HELLS: variants seen among roughly 807,000 people sequenced by gnomAD.
HELLS encodes the protein lymphoid-specific helicase.
In HELLS, 32 loss-of-function variants were observed where a neutral mutation model predicts 120.0. The ratio of observed to expected loss-of-function variants is 0.27; its 90% confidence interval spans 0.20 to 0.36. The LOEUF (loss-of-function observed/expected upper bound fraction) is 0.36, where lower values mean the gene tolerates loss of function less well. HELLS is among the 10% of genes least tolerant of loss of function. The pLI is 1.00. For missense variants in HELLS, 650 were observed against 993.4 expected (o/e 0.65, Z 4.65); for synonymous variants, 341 against 323.4 (o/e 1.05, Z -0.58).
intron 6 of HELLS, among the ~76,000 whole-genome samples, chr10:94,564,923 A>G (rs964013334): frequency 6.6e-6 from 1 of 152,182 alleles, no homozygotes; most frequent in Non-Finnish European, 1.5e-5. Flanking sequence ...AAAAAAGCAC[A>G]ACTCTATTGT....
At chr10:94,559,468 CAG>C (rs1351059361) in intron 4 of HELLS, among the ~76,000 whole-genome samples, 3 of 151,098 alleles carry the variant, frequency 2.0e-5, no homozygotes, top group Non-Finnish European at 2.9e-5. Context: ...TTTTTTGAGA[CAG>C]AGTCTTGCTC....
intron 12 of HELLS, among the ~76,000 whole-genome samples, chr10:94,587,625 A>G (rs1441109093): frequency 6.6e-6 from 1 of 152,130 alleles, no homozygotes; most frequent in East Asian, 1.9e-4. Context: ...ATGGGGTTTC[A>G]CCATGTTCAC....
Position 94,576,712 on chromosome 10 carries a change from A to T in HELLS, c.939A>T (p.Val313=). Residue 313 remains valine (V), a synonymous_variant, in exon 10 of 22, where the codon GTA becomes GTT. Coordinates refer to ENST00000348459, the MANE Select transcript of HELLS (RefSeq NM_018063.5). ...CCCAGGAGGAACGTCAAAAATTGGT[A>T]AGAAATATTTACAAACGGAAAGGGA... The part of the protein sequence containing the change: ...HGTQEERQKL[V]RNIYKRKGTL... 1 of 1,610,850 alleles carries T rather than the reference A, an allele frequency of 6.2e-7. No homozygotes were observed. Among genetic ancestry groups the T allele is most frequent in the Non-Finnish European group, 8.5e-7 (1 of 1,177,334 alleles).
At chr10:94,557,903 A>C (rs1458823282) in intron 3 of HELLS, among the ~76,000 whole-genome samples, 2 of 152,190 alleles carry the variant, frequency 1.3e-5, no homozygotes, top group Non-Finnish European at 2.9e-5. Flanking sequence ...CCGTTACTGC[A>C]TGTTGTCTGA....
intron 2 of HELLS, among the ~76,000 whole-genome samples, chr10:94,550,307 C>T (rs1381318036): frequency 1.3e-5 from 2 of 151,482 alleles, no homozygotes; most frequent in Non-Finnish European, 2.9e-5. Flanking sequence ...GAGACGGAGT[C>T]TCCCTCTGTC....
Position 94,545,907 on chromosome 10 carries a change from G to GGTGA in HELLS, c.-11_-8dup, listed in dbSNP as rs773674179. 22 of 1,553,830 alleles carry GGTGA rather than the reference G, an allele frequency of 1.4e-5. No individual in the cohort carries two copies. In the African/African-American group the frequency reaches 2.7e-4, roughly 19 times the overall value. ...CTGAGAGGAGGGGACCCGGTTCCCG[G>GGTGA]GTGAGTGTCCAGGCATGCCAGCGGA... On this transcript the variant is annotated 5_prime_UTR_variant, in exon 1 of 22. Coordinates refer to ENST00000348459, the MANE Select transcript of HELLS (RefSeq NM_018063.5).
chr10:94,562,670 T>A (rs752822423), intron 4 of HELLS, 21 bp from the exon 5 acceptor site: 10 of 1,536,094 alleles, frequency 6.5e-6, no homozygotes, highest in Non-Finnish European at 8.0e-6. Context: ...AAAATCAATA[T>A]TCTGAATCCT....
chr10:94,574,309 T>A, intron 8 of HELLS, 122 bp downstream of exon 8: 2 of 743,526 alleles, frequency 2.7e-6, no homozygotes, highest in Non-Finnish European at 4.4e-6. Flanking sequence ...TGTATGTGGA[T>A]ACTTGCTTTC....
chr10:94,576,954 G>C (rs1463668211), intron 10 of HELLS, 149 bp downstream of exon 10: 3 of 652,614 alleles, frequency 4.6e-6, no homozygotes, highest in Non-Finnish European at 7.8e-6. Context: ...GTAGAAGCTG[G>C]AAACTTTTAT....
chr10:94,558,614 T>A (rs1057418809), intron 4 of HELLS, among the ~76,000 whole-genome samples: 2 of 152,084 alleles, frequency 1.3e-5, no homozygotes, highest in Non-Finnish European at 2.9e-5. Context: ...TTTTTTTTTC[T>A]TTTTTGAGAC....
At chr10:94,564,287 A>G (rs1190265862) in intron 6 of HELLS, among the ~76,000 whole-genome samples, 1 of 152,074 alleles carries the variant, frequency 6.6e-6, no homozygotes, top group African/African-American at 2.4e-5. Flanking sequence ...AGTTGGGGGG[A>G]AAGGGTAGGG....
At chr10:94,556,662 T>C (rs568308221) in intron 3 of HELLS, among the ~76,000 whole-genome samples, 2 of 152,348 alleles carry the variant, frequency 1.3e-5, no homozygotes, top group East Asian at 1.9e-4. Flanking sequence ...TTTTCTGTTA[T>C]TATAGGTTCA....
intron 2 of HELLS, among the ~76,000 whole-genome samples, chr10:94,552,843 G>A (rs1364171243): frequency 6.6e-6 from 1 of 152,136 alleles, no homozygotes; most frequent in African/African-American, 2.4e-5. Context: ...ACAGGGCATG[G>A]TGGCATCTGC....
chr10:94,592,683 A>AT (rs567150126), intron 17 of HELLS, among the ~76,000 whole-genome samples, 169 bp downstream of exon 17: 14 of 152,272 alleles, frequency 9.2e-5, no homozygotes, highest in Admixed American at 7.9e-4. Flanking sequence ...AGAAGTCTTA[A>AT]TTTTTGATTC....
chr10:94,605,267 G>A (rs1239205381), downstream of HELLS, among the ~76,000 whole-genome samples: 2 of 151,952 alleles, frequency 1.3e-5, no homozygotes. Flanking sequence ...ATTTTTAGTA[G>A]GGACAGGGTT....
chr10:94,572,276 A>C lies in HELLS; in HGVS notation c.477+847A>C, dbSNP rs147143977. ...TGGCTTCATTTTATAACTTACAGTC[A>C]GTAAGAAATAGTTGTTAAGTATGGT... On this transcript the variant is annotated intron_variant, in intron 7 of 21. Coordinates refer to ENST00000348459, the MANE Select transcript of HELLS (RefSeq NM_018063.5). Among the ~76,000 whole-genome samples the C allele has an allele frequency of 3.1e-3, 471 of 152,108 alleles. 3 individuals carry two copies. Among genetic ancestry groups the C allele is most frequent in the African/African-American group, 0.011 (445 of 41,490 alleles).
At chr10:94,575,419 T>A (rs1006355294) in intron 9 of HELLS, among the ~76,000 whole-genome samples, 1 of 151,558 alleles carries the variant, frequency 6.6e-6, no homozygotes, top group Non-Finnish European at 1.5e-5. Flanking sequence ...TTCTGCACAT[T>A]TTTGCCTTAT....
chr10:94,598,198 C>CT (rs1353773108), intron 21 of HELLS, among the ~76,000 whole-genome samples: 3 of 152,092 alleles, frequency 2.0e-5, no homozygotes, highest in Non-Finnish European at 4.4e-5. Context: ...ACTGTATAAT[C>CT]TTTTTTTCCC....
intron 4 of HELLS, among the ~76,000 whole-genome samples, chr10:94,561,859 AATGTATGAATTTC>A (rs61056961): frequency 0.034 from 5,147 of 151,836 alleles, 259 homozygotes; most frequent in African/African-American, 0.11. Flanking sequence ...GGTTATATTT[AATGTATGAATTTC>A]ATTCACAATG....
Sources: allele counts gnomAD v4.1 joint callset (sites outside exome capture counted in the v4.1 genomes callset), GRCh38; gene constraint gnomAD v4.1.1; transcripts MANE v1.5; gene names NCBI Gene and HGNC (gene_info 2026-07-23, HGNC 2026-07-21).